Variants in PCLO observed in about 807,000 individuals in gnomAD.
PCLO encodes the protein protein piccolo.
In PCLO, 82 loss-of-function variants were observed where a neutral mutation model predicts 427.5. The ratio of observed to expected loss-of-function variants is 0.19; its 90% CI spans 0.16 to 0.23. PCLO has a LOEUF of 0.23. Among genes scored for constraint, PCLO ranks in the 10% least tolerant of loss-of-function variants. The pLI is 1.00. For missense variants in PCLO, 6,239 were observed against 6,115.9 expected, an observed-to-expected ratio of 1.02 and a Z score of -0.67; for synonymous variants, 2,357 against 2,155.4, an observed-to-expected ratio of 1.09 and a Z score of -2.59.
intron 2 of PCLO, among the ~76,000 whole-genome samples, chr7:83,152,150 G>A (rs1792151985): frequency 6.6e-6 from 1 of 151,374 alleles, no homozygotes; most frequent in African/African-American, 2.4e-5. Flanking sequence ...ATTTTTAGTA[G>A]AGACGGGGTT....
chr7:82,887,663 A>G lies in PCLO; in HGVS notation c.13529-8201T>C, dbSNP rs113981880. Reference sequence around the variant, plus strand: ...TTTCTGTGGAACTCACCCTGAGAATAAAAACTTCCTTTGTTACTGAGTAAA... The same window carrying G: ...TTTCTGTGGAACTCACCCTGAGAATGAAAACTTCCTTTGTTACTGAGTAAA... On this transcript the variant is annotated intron_variant, in intron 9 of 24. Transcript: ENST00000333891. Among the ~76,000 whole-genome samples the G allele has an allele frequency of 6.0e-3, 914 of 152,318 alleles. 3 individuals are homozygous for G. Among genetic ancestry groups the G allele is most frequent in the Non-Finnish European group, 7.8e-3 (532 of 68,034 alleles).
intron 3 of PCLO, among the ~76,000 whole-genome samples, chr7:83,123,445 C>G (rs570747736): frequency 1.2e-3 from 186 of 152,226 alleles, no homozygotes; most frequent in African/African-American, 4.3e-3. Context: ...GAAACTAGAT[C>G]CCTGTTTCTT....
chr7:82,791,749 C>T (rs1791106261), intron 22 of PCLO, among the ~76,000 whole-genome samples: 1 of 151,948 alleles, frequency 6.6e-6, no homozygotes, highest in African/African-American at 2.4e-5. Flanking sequence ...CTGGTCTTTT[C>T]TTTTTCCAGT....
Position 83,155,791 on chromosome 7 carries a change from T to G in PCLO, c.850A>C (p.Lys284Gln). ...LQRDASRPQT[K>Q]QADIVRGESV... is the part of the protein sequence containing the mutation. ...TCTCCCCTTACTATGTCTGCCTGTT[T>G]AGTCTGAGGCCTGGATGCATCTCGT... The change falls in exon 2 of 25, where the codon AAA becomes CAA. Residue 284 changes from lysine (K) to glutamine (Q), a missense_variant. Physicochemically the swap from Lys to Gln is moderately conservative, Grantham distance 53. Transcript: ENST00000333891. The G allele has an allele frequency of 6.2e-7, 1 of 1,613,944 alleles. No homozygotes were observed. The highest frequency in any genetic ancestry group is 8.5e-7 in the Non-Finnish European group (1 of 1,179,848).
In PCLO at chr7:82,954,681, A is replaced by T. The variant is rs1421315166; in HGVS notation, c.6272T>A (p.Met2091Lys). 7.4e-6 allele frequency: 12 copies of T among 1,613,808 alleles called. No homozygotes were observed. Among genetic ancestry groups the T allele is most frequent in the Non-Finnish European group, 1.0e-5 (12 of 1,179,868 alleles). Reference protein sequence around the residue: ...SPTQAPIGEDMTESTMDFDRM... With the variant: ...SPTQAPIGEDKTESTMDFDRM... The stretch of plus-strand genomic sequence containing the variant: ...GTCAAAGTCCATGGTGGACTCTGTC[A>T]TATCCTCACCAATGGGGGCCTGGGT... The change falls in exon 5 of 25, where the codon ATG becomes AAG. Residue 2091 changes from methionine (M) to lysine (K), a missense_variant. Physicochemically the swap from Met to Lys is moderately conservative, Grantham distance 95. Coordinates refer to ENST00000333891, the MANE Select transcript of PCLO (RefSeq NM_033026.6).
At chr7:82,829,814 A>T (rs900509343) in intron 16 of PCLO, among the ~76,000 whole-genome samples, 3 of 152,130 alleles carry the variant, frequency 2.0e-5, no homozygotes, top group Non-Finnish European at 2.9e-5. Context: ...TTGCAACATT[A>T]TTTCAATAGT....
Position 82,953,791 on chromosome 7 carries a change from C to T in PCLO, c.7162G>A (p.Ala2388Thr), listed in dbSNP as rs372868247. The change falls in exon 5 of 25, where the codon GCT becomes ACT. Residue 2388 changes from alanine (A) to threonine (T), a missense_variant. Physicochemically the swap from Ala to Thr is moderately conservative, Grantham distance 58. This residue lies in a region of PCLO where 4,677 missense variants were observed against 4,468.4 expected (regional missense o/e 1.05). Transcript: ENST00000333891. ...SGSPSVSSLP[A>T]KPRPFFRSSS... ...CTTCTAAAGAATGGGCGAGGTTTAG[C>T]TGGAAGAGAGGAAACAGAAGGACTG... 1.9e-5 allele frequency: 31 copies of T among 1,594,478 alleles called. 1 individual carries two copies. The highest frequency in any genetic ancestry group is 6.0e-6 in the Non-Finnish European group (7 of 1,169,778).
chr7:83,005,111 T>C (rs942782340), intron 3 of PCLO, among the ~76,000 whole-genome samples: 3 of 151,518 alleles, frequency 2.0e-5, no homozygotes, highest in Non-Finnish European at 3.0e-5. Flanking sequence ...TCTCAAAAAA[T>C]TTAGAAAAGA....
At chr7:82,908,103 C>A (rs1203915502) in intron 8 of PCLO, among the ~76,000 whole-genome samples, 2 of 151,942 alleles carry the variant, frequency 1.3e-5, no homozygotes, top group East Asian at 3.9e-4. Flanking sequence ...GAGTACACAA[C>A]CTGCAAATAT....
At chr7:83,027,209 C>A (rs780714109) in intron 3 of PCLO, among the ~76,000 whole-genome samples, 1 of 139,262 alleles carries the variant, frequency 7.2e-6, no homozygotes, top group South Asian at 2.5e-4. Flanking sequence ...AGACTGCTAG[C>A]AAGACTAATA....
At chr7:83,109,798 CT>C (rs1790956684) in intron 3 of PCLO, among the ~76,000 whole-genome samples, 22 of 151,980 alleles carry the variant, frequency 1.4e-4, no homozygotes, top group Admixed American at 1.4e-3. Flanking sequence ...AATTTGTACA[CT>C]TAATAGCAAA....
At chr7:82,862,629 T>G (rs912133137) in intron 10 of PCLO, among the ~76,000 whole-genome samples, 2 of 118,388 alleles carry the variant, frequency 1.7e-5, no homozygotes, top group Non-Finnish European at 3.6e-5. Flanking sequence ...GATGAATGAA[T>G]AAAGAAAAGG....
At chr7:82,996,301 TG>T (rs1160362256) in intron 3 of PCLO, among the ~76,000 whole-genome samples, 1 of 152,022 alleles carries the variant, frequency 6.6e-6, no homozygotes, top group Non-Finnish European at 1.5e-5. Context: ...TTGGCATTAA[TG>T]GTTTTTTTAT....
chr7:82,963,382 G>C (rs1795695497), intron 4 of PCLO, among the ~76,000 whole-genome samples: 1 of 151,840 alleles, frequency 6.6e-6, no homozygotes, highest in South Asian at 2.1e-4. Context: ...ACAAATGATT[G>C]GTATTAAGGA....
At chr7:82,897,902 C>T (rs1164846969) in intron 9 of PCLO, among the ~76,000 whole-genome samples, 1 of 151,246 alleles carries the variant, frequency 6.6e-6, no homozygotes, top group Non-Finnish European at 1.5e-5. Flanking sequence ...TACTGATTAT[C>T]TCAAGGAGTT....
chr7:82,909,914 T>C (rs569610374), intron 7 of PCLO, among the ~76,000 whole-genome samples: 1 of 152,232 alleles, frequency 6.6e-6, no homozygotes. Context: ...AATGCAACTA[T>C]ATTTAAGGTA....
intron 20 of PCLO, among the ~76,000 whole-genome samples, chr7:82,811,595 A>G (rs1461367513): frequency 6.6e-6 from 1 of 151,572 alleles, no homozygotes; most frequent in Non-Finnish European, 1.5e-5. Flanking sequence ...TTTCTATTAC[A>G]GTTCAGGGGT....
intron 3 of PCLO, among the ~76,000 whole-genome samples, chr7:83,030,280 A>G (rs1269390827): frequency 2.0e-5 from 3 of 152,120 alleles, no homozygotes; most frequent in Non-Finnish European, 2.9e-5. Flanking sequence ...CAAATAATTA[A>G]TCTTGTCTCA....
chr7:83,045,346 A>T (rs1203570353), intron 3 of PCLO, among the ~76,000 whole-genome samples: 2 of 152,164 alleles, frequency 1.3e-5, no homozygotes, highest in African/African-American at 2.4e-5. Flanking sequence ...TTCCTTATGC[A>T]ATGCTATTGC....
Sources: gnomAD v4.1 joint callset for allele counts (sites outside exome capture counted in the v4.1 genomes callset) on GRCh38, gnomAD v4.1.1 for gene constraint, gnomAD v4.1.1 regional missense constraint, MANE v1.5 for transcripts, NCBI Gene and HGNC (gene_info 2026-07-23, HGNC 2026-07-21) for gene names.